The following NTRK3 variants were observed in gnomAD, a reference collection of about 807,000 sequenced individuals.
The protein encoded by NTRK3 is NT-3 growth factor receptor.
A neutral mutation model predicts 91.7 loss-of-function variants in NTRK3; 24 were observed. That is an observed-to-expected ratio of 0.26 (90% CI 0.19 to 0.37). NTRK3 has a LOEUF of 0.37. Among genes scored for constraint, NTRK3 ranks in the 10% least tolerant of loss-of-function variants. The pLI is 1.00. For missense variants in NTRK3, 880 were observed against 1,068.9 expected, an observed-to-expected ratio of 0.82 and a Z score of 2.46; for synonymous variants, 483 against 404.0, an observed-to-expected ratio of 1.20 and a Z score of -2.34.
exon 19 of NTRK3, chr15:87,871,278 T>A: frequency 4.3e-6 from 1 of 230,700 alleles, no homozygotes; most frequent in Admixed American, 5.7e-5. Context: ...GGAGAATGAG[T>A]CATGCAGAGC....
intron 3 of NTRK3, among the ~76,000 whole-genome samples, chr15:88,249,276 C>T (rs1340177940): frequency 6.6e-6 from 1 of 152,160 alleles, no homozygotes; most frequent in African/African-American, 2.4e-5. Flanking sequence ...AAGGCCTCAT[C>T]GAGTTGATTT....
intron 13 of NTRK3, among the ~76,000 whole-genome samples, chr15:88,040,144 G>C (rs2079462206): frequency 6.6e-6 from 1 of 152,224 alleles, no homozygotes; most frequent in Non-Finnish European, 1.5e-5. Flanking sequence ...AATAAATTTT[G>C]CTTCTAAGAG....
chr15:87,917,018 C>A (rs921087116), intron 17 of NTRK3, among the ~76,000 whole-genome samples: 4 of 152,206 alleles, frequency 2.6e-5, no homozygotes, highest in African/African-American at 4.8e-5. Flanking sequence ...CCCGCCTGGG[C>A]CACCCAAAGT....
intron 17 of NTRK3, among the ~76,000 whole-genome samples, chr15:87,918,587 T>C (rs2067628545): frequency 6.6e-6 from 1 of 152,258 alleles, no homozygotes; most frequent in Non-Finnish European, 1.5e-5. Context: ...TTAGATAAGC[T>C]TTAGACATTC....
chr15:88,000,124 T>C (rs1459885345), intron 14 of NTRK3, among the ~76,000 whole-genome samples: 1 of 152,204 alleles, frequency 6.6e-6, no homozygotes, highest in Non-Finnish European at 1.5e-5. Flanking sequence ...AGTGGGGTAA[T>C]CCAGGAGTGG....
chr15:88,221,502 G>C (rs984509344), intron 3 of NTRK3, among the ~76,000 whole-genome samples: 37 of 152,176 alleles, frequency 2.4e-4, no homozygotes, highest in African/African-American at 7.7e-4. Flanking sequence ...TTTCAACAAG[G>C]AGTTTACCGT....
intron 17 of NTRK3, among the ~76,000 whole-genome samples, chr15:87,887,124 A>T (rs1057395105): frequency 6.6e-6 from 1 of 152,262 alleles, no homozygotes; most frequent in African/African-American, 2.4e-5. Flanking sequence ...TACAGACAGA[A>T]ATTCAAGTGT....
intron 5 of NTRK3, among the ~76,000 whole-genome samples, chr15:88,175,221 T>C (rs2045887911): frequency 6.6e-6 from 1 of 152,222 alleles, no homozygotes; most frequent in Admixed American, 6.5e-5. Flanking sequence ...GCTGTGGCTT[T>C]GCTCCCATCA....
At chr15:87,991,199 C>T (rs923803938) in intron 14 of NTRK3, among the ~76,000 whole-genome samples, 9 of 152,146 alleles carry the variant, frequency 5.9e-5, no homozygotes, top group African/African-American at 9.7e-5. Flanking sequence ...TCTTCCTTCA[C>T]TGGTCCCTAT....
chr15:88,138,358 C>T (rs1364828400), intron 6 of NTRK3, among the ~76,000 whole-genome samples: 1 of 151,120 alleles, frequency 6.6e-6, no homozygotes, highest in Non-Finnish European at 1.5e-5. Flanking sequence ...TGCAGTGAGC[C>T]GAGATTGCAC....
intron 13 of NTRK3, among the ~76,000 whole-genome samples, chr15:88,111,446 G>C (rs2051346523): frequency 6.6e-6 from 1 of 152,224 alleles, no homozygotes; most frequent in African/African-American, 2.4e-5. Flanking sequence ...TGGGTAAGCA[G>C]CTTATTAACT....
At chr15:88,212,728 A>T (rs1346531864) in intron 3 of NTRK3, among the ~76,000 whole-genome samples, 1 of 130,456 alleles carries the variant, frequency 7.7e-6, no homozygotes, top group African/African-American at 3.6e-5. Flanking sequence ...ACACACACAC[A>T]CACACACACA....
At position 88,135,139 on chromosome 15, in the gene NTRK3, T is replaced by C. The variant is rs368226559; in HGVS notation, c.1166A>G (p.Gln389Arg). Residue 389 changes from glutamine to arginine, a missense_variant, in exon 10 of 19, where the codon CAG becomes CGG. Physicochemically the swap from Gln to Arg is conservative, Grantham distance 43 (BLOSUM62 1). This residue lies in a region of NTRK3 where 743 missense variants were observed against 868.6 expected (regional missense o/e 0.86). Coordinates refer to ENST00000394480, the Ensembl canonical transcript of NTRK3. ...CTTGAGGAAGTGGCCATTGATGGTCTGGTTGGCTGTGCCCAGTGGGTTTTT... is the reference window on the plus strand; with the variant it reads ...CTTGAGGAAGTGGCCATTGATGGTCCGGTTGGCTGTGCCCAGTGGGTTTTT... 2.5e-6 allele frequency: 4 copies of C among 1,614,274 alleles called. No homozygotes were observed. The highest frequency in any genetic ancestry group is 3.4e-6 in the Non-Finnish European group (4 of 1,180,048).
At chr15:88,226,426 G>A (rs566811646) in intron 3 of NTRK3, among the ~76,000 whole-genome samples, 38 of 152,350 alleles carry the variant, frequency 2.5e-4, no homozygotes, top group African/African-American at 6.7e-4. Flanking sequence ...CTGAGATGCC[G>A]GGGAAGGCCA....
chr15:88,096,507 C>G (rs569840672), intron 13 of NTRK3, among the ~76,000 whole-genome samples: 1 of 152,284 alleles, frequency 6.6e-6, no homozygotes, highest in South Asian at 2.1e-4. Flanking sequence ...CTGGCAAAGA[C>G]AGCAGGCAGT....
intron 5 of NTRK3, among the ~76,000 whole-genome samples, chr15:88,168,424 G>C (rs1375434720): frequency 6.6e-6 from 1 of 152,208 alleles, no homozygotes; most frequent in Non-Finnish European, 1.5e-5. Context: ...TCAGGGCTGG[G>C]AAAGGCAATT....
intron 5 of NTRK3, among the ~76,000 whole-genome samples, chr15:88,171,956 A>G (rs976025327): frequency 6.6e-6 from 1 of 152,254 alleles, no homozygotes. Context: ...GGCATATTTC[A>G]GGCCTCGCCT....
At chr15:88,061,291 G>A (rs1016826271) in intron 13 of NTRK3, among the ~76,000 whole-genome samples, 6 of 152,146 alleles carry the variant, frequency 3.9e-5, no homozygotes, top group African/African-American at 1.2e-4. Flanking sequence ...AAAAGAGTAC[G>A]GTCAAGTTTG....
exon 19 of NTRK3, chr15:87,876,720 T>A (rs955052159): frequency 3.6e-5 from 7 of 193,884 alleles, no homozygotes; most frequent in Non-Finnish European, 6.2e-5. Context: ...TATATAAATA[T>A]ATATATATAT....
Sources: gnomAD v4.1 joint callset for allele counts (sites outside exome capture counted in the v4.1 genomes callset) on GRCh38, gnomAD v4.1.1 for gene constraint, gnomAD v4.1.1 regional missense constraint, MANE v1.5 for transcripts, NCBI Gene and HGNC (gene_info 2026-07-23, HGNC 2026-07-21) for gene names.